GAB1: variants seen among roughly 807,000 people sequenced by gnomAD.
The protein encoded by GAB1 is GRB2-associated-binding protein 1.
In GAB1, 19 loss-of-function variants were observed where a neutral mutation model predicts 66.5. The observed-to-expected ratio is 0.29, with a 90% confidence interval of 0.20 to 0.42. The LOEUF (loss-of-function observed/expected upper bound fraction) is 0.42. GAB1 is among the 10% of genes least tolerant of loss of function. The probability of loss-of-function intolerance (pLI) is 1.00; values close to 1 mark genes in which losing one functional copy is unlikely to be tolerated. For missense variants in GAB1, 732 were observed against 858.5 expected, an observed-to-expected ratio of 0.85 and a Z score of 1.84; for synonymous variants, 294 against 301.4, an observed-to-expected ratio of 0.98 and a Z score of 0.25.
chr4:143,363,029 C>T (rs2149658538), intron 1 of GAB1, among the ~76,000 whole-genome samples: 1 of 152,272 alleles, frequency 6.6e-6, no homozygotes, highest in South Asian at 2.1e-4. Context: ...ATTATTGTCC[C>T]CATTTTGTAA....
intron 2 of GAB1, among the ~76,000 whole-genome samples, chr4:143,418,419 T>A (rs1043442268): frequency 2.0e-5 from 3 of 152,354 alleles, no homozygotes; most frequent in Admixed American, 2.0e-4. Flanking sequence ...GGTAGCTCTT[T>A]TTAATGGTTA....
chr4:143,468,208 C>CTTT lies in GAB1; in HGVS notation c.1927-800_1927-798dup, dbSNP rs780138131. ...TGTCATGGAAGCATTAGTTTGAATT[C>CTTT]TTTTTTTTTTTTTTTTTTTTTTTTT... On this transcript the variant is annotated intron_variant, in intron 9 of 9. Transcript: ENST00000262994. Among the ~76,000 whole-genome samples, 271 of 70,040 alleles carry CTTT rather than the reference C, an allele frequency of 3.9e-3. 1 individual carries two copies. Among genetic ancestry groups the CTTT allele is most frequent in the South Asian group, 6.2e-3 (9 of 1,462 alleles). The allele number at this position is 70,040 out of a possible 152,430, so 45.9% of individuals were successfully genotyped here.
At chr4:143,374,339 G>A (rs549880389) in intron 1 of GAB1, among the ~76,000 whole-genome samples, 57 of 152,232 alleles carry the variant, frequency 3.7e-4, no homozygotes, top group Non-Finnish European at 2.9e-4. Flanking sequence ...TGCCTGTGCC[G>A]ATTGGGGAAT....
intron 6 of GAB1, among the ~76,000 whole-genome samples, chr4:143,457,124 G>A (rs759014165): frequency 6.6e-6 from 1 of 152,144 alleles, no homozygotes; most frequent in Non-Finnish European, 1.5e-5. Flanking sequence ...ATATAGTAGT[G>A]GCAACTTGCT....
At chr4:143,411,779 T>C (rs1732405370) in intron 1 of GAB1, among the ~76,000 whole-genome samples, 3 of 152,208 alleles carry the variant, frequency 2.0e-5, no homozygotes, top group African/African-American at 7.2e-5. Context: ...TGTGGCTAAA[T>C]TGTGCTTTGT....
chr4:143,409,668 T>G (rs1732263393), intron 1 of GAB1, among the ~76,000 whole-genome samples: 1 of 151,878 alleles, frequency 6.6e-6, no homozygotes, highest in South Asian at 2.1e-4. Context: ...TTGTCAGTGG[T>G]AGGAAGGTAG....
rs1729111191 is a variant in GAB1 at position 143,349,590 on chromosome 4, G to A, written c.72+12330G>A. 4.0e-6 allele frequency: 6 copies of A among 1,492,036 alleles called. No individual in the cohort carries two copies. In the Admixed American group the frequency reaches 9.5e-5, roughly 24 times the overall value. The allele number at this position is 1,492,036 out of a possible 1,614,324, so 92.4% of individuals were successfully genotyped here. ...CAGGGATGAGGTGCACCAGCACAGA[G>A]CCGCAGCGGCCTGTCACCTTGCAAG... is the stretch of plus-strand genomic sequence containing the variant. On this transcript the variant is annotated intron_variant, in intron 1 of 9. Transcript: ENST00000262994.
intron 6 of GAB1, chr4:143,457,708 A>G: frequency 6.4e-7 from 1 of 1,566,358 alleles, no homozygotes; most frequent in Non-Finnish European, 8.6e-7. Flanking sequence ...TAAGACTCAA[A>G]CCCCATGGTT....
At chr4:143,369,878 A>C (rs1009847332) in intron 1 of GAB1, among the ~76,000 whole-genome samples, 2 of 152,262 alleles carry the variant, frequency 1.3e-5, no homozygotes, top group African/African-American at 4.8e-5. Context: ...GCTTCAAATA[A>C]GCAAAAGGCC....
chr4:143,360,148 CAG>C (rs1353484969), intron 1 of GAB1, among the ~76,000 whole-genome samples: 1 of 152,088 alleles, frequency 6.6e-6, no homozygotes, highest in Non-Finnish European at 1.5e-5. Context: ...GGATTGAAGA[CAG>C]ATGTTTCTTT....
chr4:143,466,480 CTTTTTTTTTTTTTTTTTTT>C (rs776557170), intron 9 of GAB1, among the ~76,000 whole-genome samples: 1 of 67,262 alleles, frequency 1.5e-5, no homozygotes, highest in Non-Finnish European at 2.8e-5. Flanking sequence ...TTAACAAATT[CTTTTTTTTTTTTTTTTTTT>C]TTTTTTTTGA....
intron 1 of GAB1, among the ~76,000 whole-genome samples, chr4:143,400,005 C>CT (rs1313759646): frequency 6.7e-6 from 1 of 148,260 alleles, no homozygotes. Context: ...GTGGCGCAAT[C>CT]TTGGCTCACT....
At chr4:143,378,896 C>T (rs1730536453) in intron 1 of GAB1, among the ~76,000 whole-genome samples, 1 of 152,134 alleles carries the variant, frequency 6.6e-6, no homozygotes, top group African/African-American at 2.4e-5. Context: ...CAAGGTCTCA[C>T]CAGAGACCAA....
intron 8 of GAB1, among the ~76,000 whole-genome samples, chr4:143,463,798 TC>T (rs1438278924): frequency 6.6e-6 from 1 of 152,090 alleles, no homozygotes; most frequent in East Asian, 1.9e-4. Context: ...CAAATAGACT[TC>T]CTTGTAGACA....
At chr4:143,450,335 T>C (rs1734849155) in intron 6 of GAB1, among the ~76,000 whole-genome samples, 1 of 152,194 alleles carries the variant, frequency 6.6e-6, no homozygotes, top group Admixed American at 6.5e-5. Flanking sequence ...CTGGAAGTAG[T>C]AGCATAATCT....
rs969615633 is a variant in GAB1 at position 143,473,205 on chromosome 4, A to C, written c.*4016A>C. 1 of 152,224 alleles carries C rather than the reference A, an allele frequency of 6.6e-6. No individual in the cohort carries two copies. Among genetic ancestry groups the C allele is most frequent in the Non-Finnish European group, 1.5e-5 (1 of 68,036 alleles). 9.4% of individuals were successfully genotyped at this position (152,224 alleles called of 1,614,324 possible). On this transcript the variant is annotated 3_prime_UTR_variant, in exon 10 of 10. Coordinates refer to ENST00000262994, the MANE Select transcript of GAB1 (RefSeq NM_002039.4). The stretch of plus-strand genomic sequence containing the variant: ...CATCCCAAATTTTGACAACAAAATC[A>C]TATGTATAAATTTATTTCTCCCCTC...
At chr4:143,395,718 C>T (rs1731414421) in intron 1 of GAB1, 1 of 330,874 alleles carries the variant, frequency 3.0e-6, no homozygotes, top group Admixed American at 4.3e-5. Context: ...AGTTTTGAAA[C>T]CATGTTCTTT....
intron 9 of GAB1, among the ~76,000 whole-genome samples, chr4:143,468,088 TGA>T (rs1480274292): frequency 6.6e-6 from 1 of 152,156 alleles, no homozygotes; most frequent in Non-Finnish European, 1.5e-5. Flanking sequence ...TCTCAGAGGT[TGA>T]GAGACAGTCA....
chr4:143,366,791 A>G (rs1467766526), intron 1 of GAB1, among the ~76,000 whole-genome samples: 1 of 152,070 alleles, frequency 6.6e-6, no homozygotes, highest in African/African-American at 2.4e-5. Flanking sequence ...CAATTTGAAA[A>G]TTTTCAATTT....
Sources: gnomAD v4.1 joint callset for allele counts (sites outside exome capture counted in the v4.1 genomes callset) on GRCh38, gnomAD v4.1.1 for gene constraint, MANE v1.5 for transcripts, NCBI Gene and HGNC (gene_info 2026-07-23, HGNC 2026-07-21) for gene names.